EPHA7: variants seen among roughly 807,000 people sequenced by gnomAD.
EPHA7 encodes EPH receptor A7.
In EPHA7, 25 loss-of-function variants were observed where a neutral mutation model predicts 112.6. The ratio of observed to expected loss-of-function variants is 0.22; its 90% CI spans 0.16 to 0.31. EPHA7 has a LOEUF of 0.31. Ranked by LOEUF, EPHA7 falls within the 10% of genes least tolerant of loss-of-function variation. EPHA7 has a pLI of 1.00. For synonymous variants in EPHA7, 437 were observed against 406.5 expected (o/e 1.07, Z -0.90); for missense variants, 962 against 1,212.6 (o/e 0.79, Z 3.07).
intron 5 of EPHA7, among the ~76,000 whole-genome samples, chr6:93,294,119 T>G (rs1016495092): frequency 1.3e-5 from 2 of 152,204 alleles, no homozygotes; most frequent in African/African-American, 4.8e-5. Context: ...CAAAGCTGGC[T>G]TGCTGTAATT....
At chr6:93,334,584 C>T (rs777531782) in intron 5 of EPHA7, among the ~76,000 whole-genome samples, 10 of 151,958 alleles carry the variant, frequency 6.6e-5, no homozygotes, top group Non-Finnish European at 1.0e-4. Context: ...ATAATACCTA[C>T]AATCTAAAAC....
chr6:93,404,748 T>C (rs1778611940), intron 3 of EPHA7, among the ~76,000 whole-genome samples: 1 of 151,542 alleles, frequency 6.6e-6, no homozygotes, highest in Non-Finnish European at 1.5e-5. Flanking sequence ...TTAGACTAAA[T>C]TAGTAACACC....
chr6:93,341,434 C>T (rs929078627), intron 5 of EPHA7, among the ~76,000 whole-genome samples: 2 of 151,434 alleles, frequency 1.3e-5, no homozygotes. Context: ...GATCACTGAC[C>T]TTTGACATTA....
At chr6:93,326,090 T>C (rs1281957308) in intron 5 of EPHA7, among the ~76,000 whole-genome samples, 1 of 151,446 alleles carries the variant, frequency 6.6e-6, no homozygotes, top group Non-Finnish European at 1.5e-5. Flanking sequence ...ATTCTATTCA[T>C]AGTCTAATAT....
chr6:93,411,355 T>C (rs1223282604), intron 2 of EPHA7, among the ~76,000 whole-genome samples, 185 bp from the exon 3 acceptor site: 4 of 152,212 alleles, frequency 2.6e-5, no homozygotes, highest in Non-Finnish European at 5.9e-5. Context: ...AACATACTTA[T>C]GCTGCTTGCT....
intron 5 of EPHA7, among the ~76,000 whole-genome samples, chr6:93,301,275 A>G (rs1367616769): frequency 6.6e-6 from 1 of 152,190 alleles, no homozygotes; most frequent in Non-Finnish European, 1.5e-5. Flanking sequence ...GGTACATGTA[A>G]TACTTTGATA....
At chr6:93,325,602 TAGATA>T (rs1218844990) in intron 5 of EPHA7, among the ~76,000 whole-genome samples, 1 of 151,246 alleles carries the variant, frequency 6.6e-6, no homozygotes, top group Non-Finnish European at 1.5e-5. Flanking sequence ...GTAAAAATAA[TAGATA>T]AGATAAATGA....
At position 93,240,332 on chromosome 6, in the gene EPHA7, G is replaced by A; in HGVS notation, c.*3094C>T. 4.4e-6 allele frequency: 1 copy of A among 226,146 alleles called. No homozygotes were observed. Among genetic ancestry groups the A allele is most frequent in the Non-Finnish European group, 8.8e-6 (1 of 113,680 alleles). 14.0% of individuals were successfully genotyped at this position (226,146 alleles called of 1,614,324 possible). ...GTTCTAGGCTACTCAAGAAACAAAA[G>A]GGAGAATATCAGCATTACCTAAATA... On this transcript the variant is annotated 3_prime_UTR_variant, in exon 17 of 17. Transcript: ENST00000369303.
At chr6:93,396,269 C>A (rs1778167019) in intron 3 of EPHA7, among the ~76,000 whole-genome samples, 1 of 151,716 alleles carries the variant, frequency 6.6e-6, no homozygotes, top group African/African-American at 2.4e-5. Flanking sequence ...CAGAACTATT[C>A]AGTAGGTAGA....
chr6:93,273,207 T>C (rs535563363), intron 5 of EPHA7, among the ~76,000 whole-genome samples: 2 of 152,086 alleles, frequency 1.3e-5, no homozygotes, highest in East Asian at 3.9e-4. Context: ...GCTAAGTCTG[T>C]GGAATGTAGC....
intron 13 of EPHA7, among the ~76,000 whole-genome samples, chr6:93,255,181 TA>T (rs1189187123): frequency 1.8e-5 from 2 of 109,444 alleles, no homozygotes; most frequent in Admixed American, 1.0e-4. Context: ...CCGTCTCTAC[TA>T]AAAATACAAA....
At chr6:93,292,507 T>TG (rs1554171696) in intron 5 of EPHA7, among the ~76,000 whole-genome samples, 9 of 151,716 alleles carry the variant, frequency 5.9e-5, no homozygotes, top group South Asian at 2.1e-4. Context: ...TGTTTTTTTT[T>TG]GGGGGGGCGG....
At chr6:93,351,871 C>T (rs1355655933) in intron 5 of EPHA7, among the ~76,000 whole-genome samples, 2 of 151,950 alleles carry the variant, frequency 1.3e-5, no homozygotes, top group Admixed American at 1.3e-4. Context: ...AATAAATGTA[C>T]CTGGAATTAA....
chr6:93,349,973 C>A (rs1352825741), intron 5 of EPHA7, among the ~76,000 whole-genome samples: 1 of 151,700 alleles, frequency 6.6e-6, no homozygotes, highest in African/African-American at 2.4e-5. Flanking sequence ...AATGTTATAT[C>A]ACATGACTCA....
intron 2 of EPHA7, 140 bp downstream of exon 2, chr6:93,414,563 T>A: frequency 1.4e-6 from 1 of 692,468 alleles, no homozygotes; most frequent in African/African-American, 1.8e-5. Flanking sequence ...TGTCTCATTA[T>A]AAATGCAACA....
intron 3 of EPHA7, among the ~76,000 whole-genome samples, chr6:93,371,872 G>GA (rs1266547055): frequency 6.6e-6 from 1 of 152,052 alleles, no homozygotes; most frequent in Non-Finnish European, 1.5e-5. Flanking sequence ...ATAAGGAAGG[G>GA]AAAAAATCAG....
intron 3 of EPHA7, among the ~76,000 whole-genome samples, chr6:93,362,272 T>C (rs894909228): frequency 2.0e-5 from 3 of 152,038 alleles, no homozygotes; most frequent in Non-Finnish European, 4.4e-5. Context: ...ACCAGAGTAA[T>C]AGTATTATTT....
At chr6:93,411,553 G>A (rs1778977919) in intron 2 of EPHA7, among the ~76,000 whole-genome samples, 1 of 152,000 alleles carries the variant, frequency 6.6e-6, no homozygotes, top group South Asian at 2.1e-4. Context: ...CAGAATTTTT[G>A]ATAACTCAGT....
intron 11 of EPHA7, among the ~76,000 whole-genome samples, chr6:93,257,728 T>C (rs1023561101): frequency 1.3e-5 from 2 of 152,050 alleles, no homozygotes; most frequent in Non-Finnish European, 2.9e-5. Context: ...TTAAACCATA[T>C]AAATAAAAGT....
Sources: allele counts gnomAD v4.1 joint callset (sites outside exome capture counted in the v4.1 genomes callset), GRCh38; gene constraint gnomAD v4.1.1; transcripts MANE v1.5; gene names NCBI Gene and HGNC (gene_info 2026-07-23, HGNC 2026-07-21).